NPC1L1: variants seen among roughly 807,000 people sequenced by gnomAD.
The protein encoded by NPC1L1 is NPC1-like intracellular cholesterol transporter 1.
In NPC1L1, 98 loss-of-function variants were observed where a neutral mutation model predicts 117.0. The observed-to-expected ratio is 0.84, with a 90% CI of 0.71 to 0.99. NPC1L1 has a LOEUF of 0.99. NPC1L1 is among the 50% of genes least tolerant of loss of function. The probability of loss-of-function intolerance (pLI) is 0.00; values close to 1 mark genes in which losing one functional copy is unlikely to be tolerated. For missense variants in NPC1L1, 1,540 were observed against 1,710.0 expected (o/e 0.90, Z 1.75); for synonymous variants, 729 against 727.6 (o/e 1.00, Z -0.03).
At position 44,536,271 on chromosome 7, in the gene NPC1L1, G is replaced by C; in HGVS notation, c.1839C>G (p.Val613=). The C allele has an allele frequency of 6.2e-7, 1 of 1,613,934 alleles. No individual in the cohort carries two copies. The highest frequency in any genetic ancestry group is 8.5e-7 in the Non-Finnish European group (1 of 1,180,018). The change falls in exon 4 of 19, where the codon GTC becomes GTG. Residue 613 remains valine (V), a synonymous_variant. Transcript: ENST00000381160. This position sits in a 1 kb window ranked among gnomAD's most constrained non-coding sequence, Gnocchi z 4.7. ...FQRRMAGMFQ[V]TFMAERSLED... The stretch of plus-strand genomic sequence containing the variant: ...CAGCCCCTACCTCAGCCATGAACGT[G>C]ACCTGGAACATGCCAGCCATCCGAC...
At chr7:44,526,595 G>A (rs1042804789) in intron 10 of NPC1L1, among the ~76,000 whole-genome samples, 2 of 149,208 alleles carry the variant, frequency 1.3e-5, no homozygotes, top group Non-Finnish European at 3.0e-5. Context: ...TGAGGGAGAT[G>A]CCAGATGAGG....
chr7:44,521,734 G>A lies in NPC1L1; in HGVS notation c.2931C>T (p.Asp977=). The A allele has an allele frequency of 6.2e-7, 1 of 1,614,154 alleles. No homozygotes were observed. Among genetic ancestry groups the A allele is most frequent in the Non-Finnish European group, 8.5e-7 (1 of 1,180,018 alleles). ...CACTGACGGTCGAGGGGCAGAACTT[G>A]TCCTTATTGGGGCCAGATATATAAA... ...CRLYISGPNK[D]KFCPSTVNSL... is the part of the protein sequence containing the mutation. Residue 977 remains aspartate, a synonymous_variant, in exon 12 of 19, where the codon GAC becomes GAT. Coordinates refer to ENST00000381160, the MANE Select transcript of NPC1L1 (RefSeq NM_001101648.2).
Position 44,539,774 on chromosome 7 carries a change from T to C in NPC1L1, c.623A>G (p.Asp208Gly). ...CAGTGGGGCCAGACCATTGCCTGTG[T>C]CTCCCTGGAAGTTGAGCCAGCGCTG... The part of the protein sequence containing the change: ...NAQRWLNFQG[D>G]TGNGLAPLDI... Residue 208 changes from aspartate to glycine, a missense_variant, in exon 2 of 19, where the codon GAC becomes GGC. Coordinates refer to ENST00000381160, the MANE Select transcript of NPC1L1 (RefSeq NM_001101648.2). The surrounding 1 kb of genome is among the most constrained non-coding windows in gnomAD (Gnocchi z 4.4). 1 of 1,614,094 alleles carries C rather than the reference T, an allele frequency of 6.2e-7. No homozygotes were observed. The highest frequency in any genetic ancestry group is 8.5e-7 in the Non-Finnish European group (1 of 1,180,026).
chr7:44,515,557 C>T (rs1801157529), intron 18 of NPC1L1, among the ~76,000 whole-genome samples: 1 of 152,132 alleles, frequency 6.6e-6, no homozygotes, highest in South Asian at 2.1e-4. Context: ...CAGTGAAGAT[C>T]CACAGTGTAC....
chr7:44,541,156 G>A (rs776025493), intron 1 of NPC1L1, 50 bp downstream of exon 1: 11 of 1,537,294 alleles, frequency 7.2e-6, no homozygotes, highest in Non-Finnish European at 8.8e-6. Context: ...TGGCCCCAGG[G>A]TCCCTAACTG....
chr7:44,534,549 G>A lies in NPC1L1; in HGVS notation c.2064C>T (p.Ser688=), dbSNP rs1192891112. The change falls in exon 6 of 19, where the codon TCC becomes TCT. Residue 688 remains serine, a synonymous_variant. Coordinates refer to ENST00000381160, the MANE Select transcript of NPC1L1 (RefSeq NM_001101648.2). This position sits in a 1 kb window ranked among gnomAD's most constrained non-coding sequence, Gnocchi z 5.2. ...CCAGGGAGGAGCGGATACCCAAGTA[G>A]GAGAAGAAGCCCATGGCAGCCATGA... The part of the protein sequence containing the change: ...GAVMAAMGFF[S]YLGIRSSLVI... 6.2e-7 allele frequency: 1 copy of A among 1,614,180 alleles called. No homozygotes were observed. Among genetic ancestry groups the A allele is most frequent in the Non-Finnish European group, 8.5e-7 (1 of 1,180,024 alleles).
In NPC1L1 at chr7:44,517,438, A is replaced by T. The variant is rs1187797641; in HGVS notation, c.3137-81T>A. On this transcript the variant is annotated intron_variant, in intron 14 of 18. Coordinates refer to ENST00000381160, the MANE Select transcript of NPC1L1 (RefSeq NM_001101648.2). ...GACAACTTCAGAACACCGCAGACGCAGTGGCACAGGCATGTGATCAAGCGG... is the reference window on the plus strand; with the variant it reads ...GACAACTTCAGAACACCGCAGACGCTGTGGCACAGGCATGTGATCAAGCGG... 4.6e-6 allele frequency: 7 copies of T among 1,529,382 alleles called. No homozygotes were observed. In the African/African-American group the frequency reaches 8.2e-5, roughly 18 times the overall value. 94.7% of individuals were successfully genotyped at this position (1,529,382 alleles called of 1,614,324 possible).
rs148767351 is a variant in NPC1L1, at chr7:44,521,755, A to G, written c.2910T>C (p.Tyr970=). 1.4e-5 allele frequency: 22 copies of G among 1,614,058 alleles called. No homozygotes were observed. Among genetic ancestry groups the G allele is most frequent in the Middle Eastern group, 3.3e-4 (2 of 6,084 alleles). ...ACTTGTCCTTATTGGGGCCAGATAT[A>G]TAAAGGCGGCAGCAGGAGGACGGGG... ...WLTPSSCCRL[Y]ISGPNKDKFC... The change falls in exon 12 of 19, where the codon TAT becomes TAC. Residue 970 remains tyrosine, a synonymous_variant. Transcript: ENST00000381160.
Position 44,516,816 on chromosome 7 carries a change from G to T in NPC1L1, c.3406C>A (p.Arg1136Ser). 6.2e-7 allele frequency: 1 copy of T among 1,614,094 alleles called. No homozygotes were observed. The highest frequency in any genetic ancestry group is 1.1e-5 in the South Asian group (1 of 91,064). ...GAGAGCAGGTTGAGGAGGCCGGAGC[G>T]CAGGTCCAGGCCCAGCAGGAGGCAG... is the stretch of plus-strand genomic sequence containing the variant. ...VSCLLLGLDL[R>S]SGLLNLLSIV... The change falls in exon 16 of 19, where the codon CGC becomes AGC. Residue 1136 changes from arginine (R) to serine (S), a missense_variant. By Grantham distance (110) the Arg-to-Ser change is moderately radical. Around this residue, in one of 3 missense-constraint regions of NPC1L1, gnomAD observed 742 missense variants for 873.6 expected, o/e 0.85. Coordinates refer to ENST00000381160, the MANE Select transcript of NPC1L1 (RefSeq NM_001101648.2).
rs1445159210 is a variant in NPC1L1 at position 44,536,544 on chromosome 7, C to A, written c.1682-116G>T. The A allele has an allele frequency of 8.7e-7, 1 of 1,154,920 alleles. No individual in the cohort carries two copies. The highest frequency in any genetic ancestry group is 1.5e-5 in the African/African-American group (1 of 66,218). 71.5% of individuals were successfully genotyped at this position (1,154,920 alleles called of 1,614,324 possible). A position where few individuals can be genotyped will look rare whatever the true frequency, so the allele number is the denominator to read the frequency against. On this transcript the variant is annotated intron_variant, in intron 3 of 18. Transcript: ENST00000381160. The surrounding 1 kb of genome is among the most constrained non-coding windows in gnomAD (Gnocchi z 4.7). ...TGCACCCCTCCCATCACCCCTTGCT[C>A]CTTCTCCCCCACTCCTTCCTCATCT... is the stretch of plus-strand genomic sequence containing the variant.
chr7:44,531,234 A>C (rs1427949252), intron 10 of NPC1L1, among the ~76,000 whole-genome samples: 1 of 152,070 alleles, frequency 6.6e-6, no homozygotes, highest in Non-Finnish European at 1.5e-5. Context: ...ACTCTCCCCG[A>C]CCATGCCCTT....
intron 10 of NPC1L1, among the ~76,000 whole-genome samples, chr7:44,524,735 C>T (rs1415482156): frequency 6.6e-6 from 1 of 151,980 alleles, no homozygotes; most frequent in African/African-American, 2.4e-5. Flanking sequence ...TAGAGCAAGA[C>T]TCTGTCTCAA....
At chr7:44,522,021 G>A in intron 11 of NPC1L1, 31 bp downstream of exon 11, 1 of 1,611,402 alleles carries the variant, frequency 6.2e-7, no homozygotes, top group South Asian at 1.1e-5. Flanking sequence ...ACAGGGAGTA[G>A]GCTGGGGTTT....
rs1179636173 is a variant in NPC1L1 at position 44,536,842 on chromosome 7, C to T, written c.1681G>A (p.Gly561Arg). 9.3e-6 allele frequency: 15 copies of T among 1,613,604 alleles called. No homozygotes were observed. The highest frequency in any genetic ancestry group is 1.2e-5 in the Non-Finnish European group (14 of 1,179,524). ...TCCTCTCAGGGCCCACTTAGCTTAC[C>T]TTTGTACCCCCCAATGGCAAGGAAG... ...FPFLAIGGYK[G>R]KDYSEAEALI... The change falls in exon 3 of 19, where the codon GGA (glycine) becomes AGA (arginine). Residue 561 changes from glycine to arginine, a missense_variant and splice_region_variant. Gly to Arg is a moderately radical substitution (Grantham distance 125). Coordinates refer to ENST00000381160, the MANE Select transcript of NPC1L1 (RefSeq NM_001101648.2). The surrounding 1 kb of genome is among the most constrained non-coding windows in gnomAD (Gnocchi z 4.7).
chr7:44,535,847 C>A lies in NPC1L1; in HGVS notation c.1976G>T (p.Arg659Leu). 1.2e-6 allele frequency: 2 copies of A among 1,612,942 alleles called. No individual in the cohort carries two copies. Among genetic ancestry groups the A allele is most frequent in the Non-Finnish European group, 1.7e-6 (2 of 1,179,956 alleles). The change falls in exon 5 of 19, where the codon CGA (arginine) becomes CTA (leucine). Residue 659 changes from arginine (R) to leucine (L), a missense_variant. By Grantham distance (102) the Arg-to-Leu change is moderately radical. Transcript: ENST00000381160. ...GTCCCTCCCGCTTCTCACCATCACT[C>A]GGCTCCAGCTGGAATAGCTGCCCAG... ...LALGSYSSWS[R>L]VMVDSKATLG... is the part of the protein sequence containing the mutation.
chr7:44,532,187 T>A lies in NPC1L1; in HGVS notation c.2440A>T (p.Lys814Ter). Reference sequence around the variant, plus strand: ...CCAGGCGGGGGCAGCTCCTGGGGCTTGACACAGCAGCAGACGTCCAACCGG... The same window carrying A: ...CCAGGCGGGGGCAGCTCCTGGGGCTAGACACAGCAGCAGACGTCCAACCGG... ...ASRLDVCCCVKPQELPPPGQG... is the reference protein window; with the variant it reads ...ASRLDVCCCV Residue 814 changes from lysine (K) to a stop codon, truncating the protein, a stop_gained, in exon 9 of 19, where the codon AAG (lysine) becomes TAG (stop). Transcript: ENST00000381160. LOFTEE classifies it high-confidence loss of function. 6.2e-7 allele frequency: 1 copy of A among 1,613,830 alleles called. No individual in the cohort carries two copies. The highest frequency in any genetic ancestry group is 1.1e-5 in the South Asian group (1 of 91,072).
At chr7:44,521,244 G>A in intron 12 of NPC1L1, 126 bp from the exon 13 acceptor site, 1 of 1,291,252 alleles carries the variant, frequency 7.7e-7, no homozygotes, top group Non-Finnish European at 1.1e-6. Context: ...TCGCTTCTAG[G>A]GGGATTTGCA....
chr7:44,540,103 T>A lies in NPC1L1; in HGVS notation c.294A>T (p.Ser98=). 1 of 1,614,054 alleles carries A rather than the reference T, an allele frequency of 6.2e-7. No homozygotes were observed. Among genetic ancestry groups the A allele is most frequent in the Middle Eastern group, 1.6e-4 (1 of 6,062 alleles). ...TGGTGATCGACAGACTCGCTTCCAGTGATACCAGCTGCTTGGCGGAGCAGC... is the reference window on the plus strand; with the variant it reads ...TGGTGATCGACAGACTCGCTTCCAGAGATACCAGCTGCTTGGCGGAGCAGC... ...QACCSAKQLV[S]LEASLSITKA... Residue 98 remains serine (S), a synonymous_variant, in exon 2 of 19, where the codon TCA becomes TCT. Transcript: ENST00000381160.
rs200499747 is a variant in NPC1L1, at chr7:44,515,826, A to G, written c.3773T>C (p.Leu1258Pro). The G allele has an allele frequency of 6.2e-7, 1 of 1,614,216 alleles. No homozygotes were observed. The highest frequency in any genetic ancestry group is 1.7e-5 in the Admixed American group (1 of 60,022). Reference protein sequence around the residue: ...LLGLLHGLVFLPVILSYVGPD... With the variant: ...LLGLLHGLVFPPVILSYVGPD... ...ACCCACGTAGCTGAGGATGACGGGC[A>G]GGAAGACCAAGCCATGCAGCAGGCC... is the stretch of plus-strand genomic sequence containing the variant. Residue 1258 changes from leucine to proline, a missense_variant, in exon 18 of 19, where the codon CTG (leucine) becomes CCG (proline). Physicochemically the swap from Leu to Pro is moderately conservative, Grantham distance 98. Transcript: ENST00000381160.
Sources: gnomAD v4.1 joint callset for allele counts (sites outside exome capture counted in the v4.1 genomes callset) on GRCh38, gnomAD v4.1.1 for gene constraint, gnomAD v4.1.1 regional missense constraint, Gnocchi (gnomAD v3.1) non-coding constraint, MANE v1.5 for transcripts, NCBI Gene and HGNC (gene_info 2026-07-23, HGNC 2026-07-21) for gene names.